DIS3L2: variants seen among roughly 807,000 people sequenced by gnomAD.
The protein encoded by DIS3L2 is DIS3-like exonuclease 2.
DIS3L2 carries 34 observed loss-of-function variants against 97.5 expected under a neutral mutation model. That is an observed-to-expected ratio of 0.35 (90% confidence interval 0.27 to 0.46). The LOEUF (loss-of-function observed/expected upper bound fraction) is 0.46. Among genes scored for constraint, DIS3L2 ranks in the 20% least tolerant of loss-of-function variants. The probability of loss-of-function intolerance (pLI) is 1.00; values close to 1 mark genes in which losing one functional copy is unlikely to be tolerated. For missense variants in DIS3L2, 1,038 were observed against 1,146.0 expected, an observed-to-expected ratio of 0.91 and a Z score of 1.36; for synonymous variants, 435 against 445.2, an observed-to-expected ratio of 0.98 and a Z score of 0.29.
intron 14 of DIS3L2, among the ~76,000 whole-genome samples, chr2:232,317,418 A>G (rs1188654521): frequency 6.6e-6 from 1 of 152,044 alleles, no homozygotes; most frequent in Non-Finnish European, 1.5e-5. Context: ...TGTGTTCCTA[A>G]CATTCTTCTA....
intron 1 of DIS3L2, among the ~76,000 whole-genome samples, chr2:232,014,566 A>G (rs1449200892): frequency 6.6e-6 from 1 of 152,124 alleles, no homozygotes; most frequent in African/African-American, 2.4e-5. Context: ...GAACCGCAGG[A>G]TTCCTTATTT....
chr2:232,199,582 AC>A, intron 9 of DIS3L2, among the ~76,000 whole-genome samples: 1 of 152,218 alleles, frequency 6.6e-6, no homozygotes, highest in Non-Finnish European at 1.5e-5. Context: ...CTGAACTGAT[AC>A]AGAGTGATTT....
chr2:231,995,683 C>T (rs1028248699), intron 1 of DIS3L2, among the ~76,000 whole-genome samples: 1 of 152,190 alleles, frequency 6.6e-6, no homozygotes, highest in African/African-American at 2.4e-5. Context: ...CTGGCTCCCA[C>T]TTGATTTTTA....
intron 1 of DIS3L2, among the ~76,000 whole-genome samples, chr2:231,966,095 C>A (rs1365854766): frequency 1.3e-5 from 2 of 151,994 alleles, no homozygotes; most frequent in African/African-American, 4.8e-5. Context: ...GGATAGATCC[C>A]TCTGAGGTCT....
intron 1 of DIS3L2, among the ~76,000 whole-genome samples, chr2:232,000,696 C>A: frequency 1.0e-5 from 1 of 100,342 alleles, no homozygotes; most frequent in African/African-American, 4.0e-5. Context: ...GTCTTTCTCT[C>A]TTTCTTTCCT....
chr2:232,057,929 G>T (rs894553156), intron 5 of DIS3L2, among the ~76,000 whole-genome samples: 2 of 152,114 alleles, frequency 1.3e-5, no homozygotes, highest in Non-Finnish European at 2.9e-5. Flanking sequence ...TTTTCTATAT[G>T]TAATTAAAAA....
At chr2:232,208,958 G>A (rs72992367) in intron 9 of DIS3L2, among the ~76,000 whole-genome samples, 1,893 of 151,952 alleles carry the variant, frequency 0.012, 17 homozygotes, top group Non-Finnish European at 0.018. Flanking sequence ...AGCTCAAGAG[G>A]TTGAGGCTGC....
intron 13 of DIS3L2, 21 bp downstream of exon 13, chr2:232,263,461 T>C (rs1479741140): frequency 1.9e-6 from 3 of 1,613,120 alleles, no homozygotes; most frequent in East Asian, 2.2e-5. Flanking sequence ...GTTTTTTTAG[T>C]GTAGCCAACA....
chr2:232,234,311 T>C (rs1265246570), intron 10 of DIS3L2, among the ~76,000 whole-genome samples: 4 of 152,220 alleles, frequency 2.6e-5, no homozygotes, highest in Admixed American at 6.5e-5. Context: ...AGAGGAGACA[T>C]TTAATAAATG....
intron 8 of DIS3L2, among the ~76,000 whole-genome samples, chr2:232,157,579 A>T (rs573882185): frequency 5.3e-5 from 8 of 152,228 alleles, no homozygotes; most frequent in Admixed American, 2.0e-4. Flanking sequence ...CATAAGCAAT[A>T]TAGGTAGAAG....
chr2:232,162,566 T>A (rs1474912505), intron 8 of DIS3L2, among the ~76,000 whole-genome samples: 1 of 152,254 alleles, frequency 6.6e-6, no homozygotes, highest in East Asian at 1.9e-4. Flanking sequence ...GAGAATGTCC[T>A]GATGCCATAG....
At chr2:232,260,871 G>C (rs1574978291) in intron 12 of DIS3L2, among the ~76,000 whole-genome samples, 1 of 152,142 alleles carries the variant, frequency 6.6e-6, no homozygotes, top group East Asian at 1.9e-4. Flanking sequence ...CTTCCCCATG[G>C]GGAATGCCTA....
At position 232,337,192 on chromosome 2, in the gene DIS3L2, A is replaced by G. The variant is rs1189153510; in HGVS notation, c.*562A>G. On this transcript the variant is annotated 3_prime_UTR_variant, in exon 21 of 21. Transcript: ENST00000325385. ...TGATTAAAAATGGAATTAGTATGCA[A>G]CACTGAGAGCGCCCCCATCACCCTG... is the stretch of plus-strand genomic sequence containing the variant. 7 of 993,440 alleles carry G rather than the reference A, an allele frequency of 7.0e-6. No individual in the cohort carries two copies. The highest frequency in any genetic ancestry group is 8.4e-6 in the Non-Finnish European group (7 of 836,144). The allele number at this position is 993,440 out of a possible 1,614,324, so 61.5% of individuals were successfully genotyped here.
chr2:232,315,176 A>G (rs1026863101), intron 14 of DIS3L2, among the ~76,000 whole-genome samples: 12 of 152,156 alleles, frequency 7.9e-5, no homozygotes, highest in Admixed American at 7.9e-4. Context: ...AGGGACACTC[A>G]ATTCCTGGCA....
In DIS3L2 at chr2:232,087,966, G is replaced by A. The variant is rs967227165; in HGVS notation, c.601+245G>A. On this transcript the variant is annotated intron_variant, in intron 6 of 20. Coordinates refer to ENST00000325385, the MANE Select transcript of DIS3L2 (RefSeq NM_152383.5). ...GTTGCCACATTCCTAATAGGCTTGAGCTGTGTTGCTGGTTAACGTTGACAT... is the reference window on the plus strand; with the variant it reads ...GTTGCCACATTCCTAATAGGCTTGAACTGTGTTGCTGGTTAACGTTGACAT... 3 of 459,984 alleles carry A rather than the reference G, an allele frequency of 6.5e-6. No homozygotes were observed. In the South Asian group the frequency reaches 1.0e-4, roughly 15 times the overall value. 28.5% of individuals were successfully genotyped at this position (459,984 alleles called of 1,614,324 possible). A position where few individuals can be genotyped will look rare whatever the true frequency, so the allele number is the denominator to read the frequency against.
chr2:232,329,788 C>CGGGGGGGGCG, intron 14 of DIS3L2, 25 bp from the exon 15 acceptor site: 2 of 1,080,634 alleles, frequency 1.9e-6, no homozygotes, highest in Non-Finnish European at 2.5e-6. Context: ...CCAGCGGTCC[C>CGGGGGGGGCG]TCCCATCCCA....
chr2:231,985,661 C>G (rs1397010191), intron 1 of DIS3L2, among the ~76,000 whole-genome samples: 3 of 152,230 alleles, frequency 2.0e-5, no homozygotes, highest in Non-Finnish European at 4.4e-5. Context: ...TCTCTCTCCA[C>G]TTTTCCATAC....
intron 16 of DIS3L2, among the ~76,000 whole-genome samples, chr2:232,333,185 T>TCCTCCGCTGTCG (rs1559218475): frequency 2.6e-4 from 2 of 7,556 alleles, no homozygotes; most frequent in Non-Finnish European, 3.3e-4. Context: ...CGCCTCCTCC[T>TCCTCCGCTGTCG]CCTCCTCCTC....
chr2:232,261,387 C>G (rs1420404035), intron 12 of DIS3L2, among the ~76,000 whole-genome samples: 2 of 152,200 alleles, frequency 1.3e-5, no homozygotes, highest in Non-Finnish European at 2.9e-5. Flanking sequence ...GCGCTCCTTC[C>G]CTCCTGTTCT....
Sources: gnomAD v4.1 joint callset for allele counts (sites outside exome capture counted in the v4.1 genomes callset) on GRCh38, gnomAD v4.1.1 for gene constraint, MANE v1.5 for transcripts, NCBI Gene and HGNC (gene_info 2026-07-23, HGNC 2026-07-21) for gene names.